Variants in EQTN observed in about 807,000 individuals in gnomAD.
The protein encoded by EQTN is equatorin.
In EQTN, 29 loss-of-function variants were observed where a neutral mutation model predicts 26.9. That is an observed-to-expected ratio of 1.08 (90% confidence interval 0.80 to 1.47). The LOEUF (loss-of-function observed/expected upper bound fraction) is 1.47, where lower values mean the gene tolerates loss of function less well. Among genes scored for constraint, EQTN ranks in the 40% most tolerant of loss-of-function variants. The pLI is 0.00. For synonymous variants in EQTN, 129 were observed against 120.0 expected (o/e 1.07, Z -0.49); for missense variants, 391 against 346.1 (o/e 1.13, Z -1.03).
chr9:27,295,037 A>G (rs966451774), intron 2 of EQTN, among the ~76,000 whole-genome samples: 8 of 152,190 alleles, frequency 5.3e-5, no homozygotes, highest in Admixed American at 3.9e-4. Flanking sequence ...ACAAAATTCT[A>G]TACACACACG....
In EQTN at chr9:27,291,312, C is replaced by T. The variant is rs151098075; in HGVS notation, c.377-249G>A. Among the ~76,000 whole-genome samples the T allele has an allele frequency of 1.4e-4, 22 of 152,242 alleles. 1 individual carries two copies. In the East Asian group the frequency reaches 3.5e-3, roughly 24 times the overall value. On this transcript the variant is annotated intron_variant, in intron 4 of 7. Transcript: ENST00000380032. ...TGCTTATGTAGCAGATTAATGAAGGCGTTAATGGAAATGCACAGGTGGTAT... is the reference window on the plus strand; with the variant it reads ...TGCTTATGTAGCAGATTAATGAAGGTGTTAATGGAAATGCACAGGTGGTAT...
rs759495094 is a variant in EQTN at position 27,284,751 on chromosome 9, T to G, written c.857A>C (p.His286Pro). ...CCGGGTAACCGACTCATCGTTTTCA[T>G]GCATCTCATTATCTGAGCCTATGGA... Reference protein sequence around the residue: ...IISIGSDNEMHENDESVTR With the variant: ...IISIGSDNEMPENDESVTR Residue 286 changes from histidine (H) to proline (P), a missense_variant, in exon 8 of 8, where the codon CAT becomes CCT. By Grantham distance (77) the His-to-Pro change is moderately conservative (BLOSUM62 -2). Coordinates refer to ENST00000380032, the MANE Select transcript of EQTN (RefSeq NM_020641.3). 2.5e-6 allele frequency: 4 copies of G among 1,614,048 alleles called. No individual in the cohort carries two copies. The highest frequency in any genetic ancestry group is 3.4e-6 in the Non-Finnish European group (4 of 1,179,976).
At chr9:27,292,655 A>T (rs929551899) in intron 3 of EQTN, among the ~76,000 whole-genome samples, 168 bp from the exon 4 acceptor site, 9 of 152,320 alleles carry the variant, frequency 5.9e-5, no homozygotes, top group Non-Finnish European at 1.2e-4. Flanking sequence ...GAGAAAGAAG[A>T]AGGTATTGAA....
intron 2 of EQTN, among the ~76,000 whole-genome samples, chr9:27,294,722 T>G (rs1820303424): frequency 6.6e-6 from 1 of 152,168 alleles, no homozygotes; most frequent in South Asian, 2.1e-4. Context: ...TTATCACTGT[T>G]TGTATTGACA....
At chr9:27,293,125 C>G (rs554601828) in intron 3 of EQTN, among the ~76,000 whole-genome samples, 4 of 152,160 alleles carry the variant, frequency 2.6e-5, no homozygotes, top group African/African-American at 9.6e-5. Flanking sequence ...AAGTTCCATA[C>G]GGAGTACAGG....
At chr9:27,289,159 A>C (rs922537657) in intron 6 of EQTN, among the ~76,000 whole-genome samples, 1 of 152,236 alleles carries the variant, frequency 6.6e-6, no homozygotes, top group African/African-American at 2.4e-5. Flanking sequence ...TGCTCTAAAA[A>C]TAAAGTCTAT....
At chr9:27,293,101 T>C (rs1411145308) in intron 3 of EQTN, among the ~76,000 whole-genome samples, 3 of 152,124 alleles carry the variant, frequency 2.0e-5, no homozygotes, top group African/African-American at 4.8e-5. Context: ...AACTGCTTAA[T>C]ACAGGAGTCA....
chr9:27,293,687 T>G (rs530605852), intron 3 of EQTN, among the ~76,000 whole-genome samples: 14 of 152,330 alleles, frequency 9.2e-5, no homozygotes, highest in Admixed American at 9.2e-4. Context: ...TCTTCATGTC[T>G]TGTCCCAGAC....
chr9:27,291,142 C>CTTTT (rs59009836), intron 4 of EQTN, 79 bp from the exon 5 acceptor site: 2 of 1,319,832 alleles, frequency 1.5e-6, no homozygotes, highest in Admixed American at 4.5e-5. Flanking sequence ...GAGGAACATT[C>CTTTT]GTTTGTTAGT....
At chr9:27,291,491 G>C (rs1159825777) in intron 4 of EQTN, among the ~76,000 whole-genome samples, 1 of 152,206 alleles carries the variant, frequency 6.6e-6, no homozygotes, top group Admixed American at 6.5e-5. Context: ...TCGTAAGCAG[G>C]CTCAGTAAGC....
intron 5 of EQTN, among the ~76,000 whole-genome samples, chr9:27,290,340 G>C (rs1015624189): frequency 6.6e-6 from 1 of 152,178 alleles, no homozygotes; most frequent in Non-Finnish European, 1.5e-5. Flanking sequence ...GTGTGTGTCA[G>C]ACAATCAAAA....
rs1386356314 is a variant in EQTN at position 27,296,726 on chromosome 9, A to G, written c.89T>C (p.Val30Ala). Residue 30 changes from valine (V) to alanine (A), a missense_variant, in exon 2 of 8, where the codon GTG becomes GCG. Transcript: ENST00000380032. Reference sequence around the variant, plus strand: ...ATTAACATCTTCATTTAAAGGTAGCACATTAGGCAATGCTAAAAAAAAGTA... The same window carrying G: ...ATTAACATCTTCATTTAAAGGTAGCGCATTAGGCAATGCTAAAAAAAAGTA... ...LKPTIEALPN[V>A]LPLNEDVNKQ... is the part of the protein sequence containing the mutation. 6 of 1,606,350 alleles carry G rather than the reference A, an allele frequency of 3.7e-6. No individual in the cohort carries two copies. The highest frequency in any genetic ancestry group is 5.1e-6 in the Non-Finnish European group (6 of 1,178,202).
chr9:27,295,599 C>T (rs1003413917), intron 2 of EQTN, among the ~76,000 whole-genome samples: 2 of 151,738 alleles, frequency 1.3e-5, no homozygotes, highest in East Asian at 1.9e-4. Flanking sequence ...TTTGGGAGGC[C>T]GAGGCGGGCG....
chr9:27,294,239 C>A, intron 3 of EQTN, 77 bp downstream of exon 3: 1 of 965,762 alleles, frequency 1.0e-6, no homozygotes, highest in Non-Finnish European at 1.6e-6. Context: ...TCTTTTCTCC[C>A]CAACAGTCTC....
chr9:27,295,065 T>C (rs1820309000), intron 2 of EQTN, among the ~76,000 whole-genome samples: 1 of 152,218 alleles, frequency 6.6e-6, no homozygotes, highest in South Asian at 2.1e-4. Context: ...GTGTATTTAA[T>C]ATTTACATAT....
At chr9:27,290,421 A>G (rs1299483422) in intron 5 of EQTN, among the ~76,000 whole-genome samples, 2 of 152,264 alleles carry the variant, frequency 1.3e-5, no homozygotes, top group Admixed American at 6.5e-5. Context: ...GGGGTGACAA[A>G]GAAATATTAA....
intron 5 of EQTN, among the ~76,000 whole-genome samples, chr9:27,290,123 C>T (rs1457663639): frequency 6.6e-6 from 1 of 152,196 alleles, no homozygotes; most frequent in Admixed American, 6.5e-5. Flanking sequence ...CCATAAGGAA[C>T]ATCACAGCCT....
intron 6 of EQTN, among the ~76,000 whole-genome samples, chr9:27,286,653 C>G (rs1820131716): frequency 6.6e-6 from 1 of 152,186 alleles, no homozygotes; most frequent in East Asian, 1.9e-4. Context: ...GTGGCAAAAG[C>G]TGGTTGCAAA....
intron 2 of EQTN, among the ~76,000 whole-genome samples, chr9:27,295,066 A>G (rs1820309045): frequency 6.6e-6 from 1 of 152,236 alleles, no homozygotes; most frequent in Admixed American, 6.5e-5. Context: ...TGTATTTAAT[A>G]TTTACATATG....
Sources: allele counts gnomAD v4.1 joint callset (sites outside exome capture counted in the v4.1 genomes callset), GRCh38; gene constraint gnomAD v4.1.1; transcripts MANE v1.5; gene names NCBI Gene and HGNC (gene_info 2026-07-23, HGNC 2026-07-21).